ZNF417: variants seen among roughly 807,000 people sequenced by gnomAD.
ZNF417 encodes the protein zinc finger protein 417.
In ZNF417, 5 loss-of-function variants were observed where a neutral mutation model predicts 7.4. The observed-to-expected ratio is 0.68, with a 90% CI of 0.35 to 1.43. The LOEUF (loss-of-function observed/expected upper bound fraction) is 1.43. ZNF417 is among the 40% of genes most tolerant of loss of function. The probability of loss-of-function intolerance (pLI) is 0.04; values close to 1 mark genes in which losing one functional copy is unlikely to be tolerated. For synonymous variants in ZNF417, 147 were observed against 239.1 expected (o/e 0.61, Z 3.55); for missense variants, 437 against 697.3 (o/e 0.63, Z 4.20).
intron 1 of ZNF417, chr19:57,915,812 C>T: frequency 2.4e-6 from 1 of 415,186 alleles, no homozygotes; most frequent in East Asian, 3.5e-5. Flanking sequence ...AGAGTCTGAA[C>T]CTCCCCAAGT....
Position 57,905,857 on chromosome 19 carries a change from TTCA to T in ZNF417, c.*2690_*2692del, listed in dbSNP as rs2071820092. 6.6e-6 allele frequency among the ~76,000 whole-genome samples: 1 copy of T among 152,202 alleles called. No homozygotes were observed. Among genetic ancestry groups the T allele is most frequent in the Admixed American group, 6.5e-5 (1 of 15,278 alleles). On this transcript the variant is annotated 3_prime_UTR_variant, in exon 3 of 3. Coordinates refer to ENST00000312026, the MANE Select transcript of ZNF417 (RefSeq NM_152475.3). ...TTGCATACAAGCAGGAAGATTTAAC[TTCA>T]TAAGAGAATTAACAAAAGTTGTATT... is the stretch of plus-strand genomic sequence containing the variant.
At chr19:57,915,092 A>C (rs2071935663) in intron 1 of ZNF417, among the ~76,000 whole-genome samples, 4 of 152,136 alleles carry the variant, frequency 2.6e-5, no homozygotes, top group African/African-American at 9.7e-5. Flanking sequence ...GGCCTCCCTG[A>C]ACCCTTTCTT....
intron 1 of ZNF417, among the ~76,000 whole-genome samples, chr19:57,914,784 T>C (rs1240728318): frequency 6.6e-6 from 1 of 152,242 alleles, no homozygotes; most frequent in African/African-American, 2.4e-5. Context: ...CCTGGGTTAA[T>C]CTTACAAGAG....
At chr19:57,911,022 G>T (rs895114069) in intron 2 of ZNF417, among the ~76,000 whole-genome samples, 1 of 152,184 alleles carries the variant, frequency 6.6e-6, no homozygotes, top group South Asian at 2.1e-4. Flanking sequence ...TCCAGCTTGG[G>T]CAACAAGAGC....
At position 57,909,135 on chromosome 19, in the gene ZNF417, C is replaced by T. The variant is rs769636267; in HGVS notation, c.1143G>A (p.Lys381=). The T allele has an allele frequency of 6.2e-7, 1 of 1,613,928 alleles. No homozygotes were observed. Among genetic ancestry groups the T allele is most frequent in the Non-Finnish European group, 8.5e-7 (1 of 1,180,020 alleles). ...QRVHTGERPY[K]CGECGKSFGQ... Reference sequence around the variant, plus strand: ...CAAAAGATTTTCCACATTCTCCACACTTGTAAGGCCTTTCTCCAGTGTGAA... The same window carrying T: ...CAAAAGATTTTCCACATTCTCCACATTTGTAAGGCCTTTCTCCAGTGTGAA... Residue 381 remains lysine, a synonymous_variant, in exon 3 of 3, where the codon AAG becomes AAA. Coordinates refer to ENST00000312026, the MANE Select transcript of ZNF417 (RefSeq NM_152475.3).
chr19:57,910,151 C>A (rs775006437), intron 2 of ZNF417, 37 bp from the exon 3 acceptor site: 8 of 1,591,772 alleles, frequency 5.0e-6, no homozygotes, highest in Non-Finnish European at 5.1e-6. Context: ...TGCAAAGTAC[C>A]TCTGACGGGA....
At chr19:57,911,107 G>A (rs1010613056) in intron 2 of ZNF417, among the ~76,000 whole-genome samples, 2 of 152,184 alleles carry the variant, frequency 1.3e-5, no homozygotes, top group African/African-American at 4.8e-5. Context: ...ACACAGCAGA[G>A]GGTGGTCATG....
chr19:57,914,801 C>G (rs1452683528), intron 1 of ZNF417, among the ~76,000 whole-genome samples: 2 of 152,228 alleles, frequency 1.3e-5, no homozygotes, highest in Non-Finnish European at 2.9e-5. Flanking sequence ...AGAGTGTTTA[C>G]ACTGGCTGAC....
At position 57,916,437 on chromosome 19, in the gene ZNF417, G is replaced by C; in HGVS notation, c.-26C>G. 1 of 1,613,904 alleles carries C rather than the reference G, an allele frequency of 6.2e-7. No individual in the cohort carries two copies. Among genetic ancestry groups the C allele is most frequent in the Non-Finnish European group, 8.5e-7 (1 of 1,180,010 alleles). On this transcript the variant is annotated 5_prime_UTR_variant, in exon 1 of 3. Coordinates refer to ENST00000312026, the MANE Select transcript of ZNF417 (RefSeq NM_152475.3). ...CGGACTACTTGGGGAAGCACGGCCCGGGAGCAGTGGTCGCCGTCACGGGGC... is the reference window on the plus strand; with the variant it reads ...CGGACTACTTGGGGAAGCACGGCCCCGGAGCAGTGGTCGCCGTCACGGGGC...
chr19:57,906,064 G>A lies in ZNF417; in HGVS notation c.*2486C>T, dbSNP rs556722582. Among the ~76,000 whole-genome samples, 2 of 152,152 alleles carry A rather than the reference G, an allele frequency of 1.3e-5. No homozygotes were observed. The highest frequency in any genetic ancestry group is 1.9e-4 in the East Asian group (1 of 5,178). On this transcript the variant is annotated 3_prime_UTR_variant, in exon 3 of 3. Coordinates refer to ENST00000312026, the MANE Select transcript of ZNF417 (RefSeq NM_152475.3). ...GATTGCAACCTCCATTTCCGAGGAAGGCTCCTTAATTTCCCAATTATAAAG... is the reference window on the plus strand; with the variant it reads ...GATTGCAACCTCCATTTCCGAGGAAAGCTCCTTAATTTCCCAATTATAAAG...
rs1460535335 is a variant in ZNF417, at chr19:57,907,410, A to C, written c.*1140T>G. 2 of 154,804 alleles carry C rather than the reference A, an allele frequency of 1.3e-5. No homozygotes were observed. Among genetic ancestry groups the C allele is most frequent in the Non-Finnish European group, 2.9e-5 (2 of 68,236 alleles). The allele number at this position is 154,804 out of a possible 1,614,324, so 9.6% of individuals were successfully genotyped here. The stretch of plus-strand genomic sequence containing the variant: ...ACTATCTTCATGTTCTTCACTTCAC[A>C]AGATAAAGCTCTTAAAATGGACTTT... On this transcript the variant is annotated 3_prime_UTR_variant, in exon 3 of 3. Coordinates refer to ENST00000312026, the MANE Select transcript of ZNF417 (RefSeq NM_152475.3).
At chr19:57,915,866 C>T (rs1568531168) in intron 1 of ZNF417, among the ~76,000 whole-genome samples, 3 of 152,154 alleles carry the variant, frequency 2.0e-5, no homozygotes, top group Non-Finnish European at 2.9e-5. Flanking sequence ...AAGATCAGTG[C>T]TTGAGGTATT....
chr19:57,911,157 C>T (rs976426533), intron 2 of ZNF417, among the ~76,000 whole-genome samples: 4 of 152,104 alleles, frequency 2.6e-5, no homozygotes, highest in Admixed American at 1.3e-4. Context: ...AATATGTAAT[C>T]GATACACCAA....
chr19:57,915,702 A>G, intron 1 of ZNF417: 1 of 399,556 alleles, frequency 2.5e-6, no homozygotes, highest in Non-Finnish European at 4.4e-6. Flanking sequence ...TCCTGAAAAG[A>G]CCCCCTTCTT....
chr19:57,914,128 T>G (rs920453253), intron 1 of ZNF417, among the ~76,000 whole-genome samples: 2 of 152,160 alleles, frequency 1.3e-5, no homozygotes, highest in Non-Finnish European at 2.9e-5. Context: ...TTACAGCTGC[T>G]AAGATCAAAA....
At chr19:57,913,803 G>T (rs377199707) in intron 1 of ZNF417, among the ~76,000 whole-genome samples, 7 of 152,184 alleles carry the variant, frequency 4.6e-5, no homozygotes, top group African/African-American at 1.7e-4. Flanking sequence ...ACTCAGGGAC[G>T]TAAGTAAGAG....
intron 1 of ZNF417, 86 bp downstream of exon 1, chr19:57,916,293 A>T: frequency 2.5e-6 from 4 of 1,610,040 alleles, no homozygotes; most frequent in Non-Finnish European, 2.5e-6. Context: ...CCGGCTACAG[A>T]CCCGTGAGCA....
Position 57,908,468 on chromosome 19 carries a change from A to T in ZNF417, c.*82T>A. ...GATGTTTCCCAGATTGACAGCACTC[A>T]TAAGGCCTTTCTCCAGTATGAACTC... is the stretch of plus-strand genomic sequence containing the variant. On this transcript the variant is annotated 3_prime_UTR_variant, in exon 3 of 3. Transcript: ENST00000312026. 1 of 1,605,404 alleles carries T rather than the reference A, an allele frequency of 6.2e-7. No individual in the cohort carries two copies. The highest frequency in any genetic ancestry group is 8.5e-7 in the Non-Finnish European group (1 of 1,173,294).
At chr19:57,914,141 CT>C in intron 1 of ZNF417, among the ~76,000 whole-genome samples, 1 of 152,098 alleles carries the variant, frequency 6.6e-6, no homozygotes, top group Non-Finnish European at 1.5e-5. Flanking sequence ...GATCAAAAAC[CT>C]TGGGCTCATG....
Sources: gnomAD v4.1 joint callset for allele counts (sites outside exome capture counted in the v4.1 genomes callset) on GRCh38, gnomAD v4.1.1 for gene constraint, MANE v1.5 for transcripts, NCBI Gene and HGNC (gene_info 2026-07-23, HGNC 2026-07-21) for gene names.